Variants in DCPS observed in about 807,000 individuals in gnomAD.
DCPS encodes m7GpppX diphosphatase.
Under a neutral mutation model 34.7 loss-of-function variants are expected in DCPS, and 27 were observed. That is an observed-to-expected ratio of 0.78 (90% confidence interval 0.57 to 1.07). The LOEUF (loss-of-function observed/expected upper bound fraction) is 1.07, where lower values mean the gene tolerates loss of function less well. Among genes scored for constraint, DCPS ranks in the 50% least tolerant of loss-of-function variants. The pLI is 0.00. For synonymous variants in DCPS, 185 were observed against 185.7 expected, an observed-to-expected ratio of 1.00 and a Z score of 0.03; for missense variants, 464 against 436.9, an observed-to-expected ratio of 1.06 and a Z score of -0.55.
Position 126,306,779 on chromosome 11 carries a change from G to C in DCPS, c.376+35G>C, listed in dbSNP as rs183143430. 6,100 of 1,574,672 alleles carry C rather than the reference G, an allele frequency of 3.9e-3. 12 individuals carry two copies. The highest frequency in any genetic ancestry group is 4.7e-3 in the Non-Finnish European group (5,440 of 1,151,108). On this transcript the variant is annotated intron_variant, in intron 2 of 5. Transcript: ENST00000263579. ...AGGTGGCCAGGGTGGCTGTATGGAG[G>C]GAGAATGGGATGGTGGGAAATTAGG... is the stretch of plus-strand genomic sequence containing the variant.
Position 126,333,129 on chromosome 11 carries a change from C to T in DCPS, c.522+1579C>T, listed in dbSNP as rs1209989348. On this transcript the variant is annotated intron_variant, in intron 3 of 5. Transcript: ENST00000263579. This position sits in a 1 kb window ranked among gnomAD's most constrained non-coding sequence, Gnocchi z 5.7. ...AAGTGCTAGGATTACAGGTGTGAGC[C>T]ACTGTGCCTGGCCATGTATATTCCT... Among the ~76,000 whole-genome samples the T allele has an allele frequency of 5.9e-5, 9 of 152,212 alleles. No individual in the cohort carries two copies. The highest frequency in any genetic ancestry group is 5.9e-4 in the Admixed American group (9 of 15,282).
intron 1 of DCPS, 99 bp downstream of exon 1, chr11:126,304,380 C>A: frequency 1.5e-6 from 2 of 1,353,492 alleles, no homozygotes; most frequent in Non-Finnish European, 2.1e-6. Flanking sequence ...TGGAAAATAC[C>A]AATCATTATC....
rs1412841483 is a variant in DCPS, at chr11:126,315,522, T to C, written c.376+8778T>C. On this transcript the variant is annotated intron_variant, in intron 2 of 5. Transcript: ENST00000263579. The surrounding 1 kb of genome is among the most constrained non-coding windows in gnomAD (Gnocchi z 6.1). ...CTGCAGTGAACTATGATTATGCCGC[T>C]GCACTCCAACCTGGGTGGCAGAGCA... Among the ~76,000 whole-genome samples the C allele has an allele frequency of 2.0e-5, 3 of 151,896 alleles. No individual in the cohort carries two copies. The highest frequency in any genetic ancestry group is 4.4e-5 in the Non-Finnish European group (3 of 68,016).
rs1951543240 is a variant in DCPS at position 126,304,151 on chromosome 11, G to A, written c.71G>A (p.Ser24Asn). The A allele has an allele frequency of 1.9e-6, 3 of 1,614,238 alleles. No individual in the cohort carries two copies. Among genetic ancestry groups the A allele is most frequent in the Non-Finnish European group, 2.5e-6 (3 of 1,180,034 alleles). The change falls in exon 1 of 6, where the codon AGC becomes AAC. Residue 24 changes from serine (S) to asparagine (N), a missense_variant. By Grantham distance (46) the Ser-to-Asn change is conservative. Transcript: ENST00000263579. ...ELDVEEAHAA[S>N]TEEKEAGVGN... ...GACGTGGAGGAGGCCCACGCCGCCA[G>A]CACAGAGGAAAAGGAGGCAGGAGTT...
In DCPS at chr11:126,334,779, T is replaced by G. The variant is rs978791703; in HGVS notation, c.522+3229T>G. Among the ~76,000 whole-genome samples the G allele has an allele frequency of 6.6e-6, 1 of 152,208 alleles. No individual in the cohort carries two copies. The highest frequency in any genetic ancestry group is 1.5e-5 in the Non-Finnish European group (1 of 68,028). ...ATGTGAGGTACTTATAACTTCCCAG[T>G]AAAAACTGCAGTGGGATGTCTGGAT... On this transcript the variant is annotated intron_variant, in intron 3 of 5. Transcript: ENST00000263579. The surrounding 1 kb of genome is among the most constrained non-coding windows in gnomAD (Gnocchi z 5.5).
Position 126,320,894 on chromosome 11 carries a change from C to T in DCPS, c.377-10511C>T, listed in dbSNP as rs1951700299. On this transcript the variant is annotated intron_variant, in intron 2 of 5. Transcript: ENST00000263579. The surrounding 1 kb of genome is among the most constrained non-coding windows in gnomAD (Gnocchi z 4.7). ...CAGCAGTCCCTCAAGTCTGCTTTCC[C>T]ATTTCATATGGAACTTGCTCCTTCC... 6.6e-6 allele frequency among the ~76,000 whole-genome samples: 1 copy of T among 152,138 alleles called. No individual in the cohort carries two copies. Among genetic ancestry groups the T allele is most frequent in the African/African-American group, 2.4e-5 (1 of 41,426 alleles).
At position 126,347,433 on chromosome 11, in the gene DCPS, A is replaced by G. The variant is rs1268121785; in HGVS notation, c.*1820A>G. Among the ~76,000 whole-genome samples the G allele has an allele frequency of 6.6e-6, 1 of 152,188 alleles. No homozygotes were observed. The highest frequency in any genetic ancestry group is 2.4e-5 in the African/African-American group (1 of 41,546). On this transcript the variant is annotated 3_prime_UTR_variant, in exon 6 of 6. Coordinates refer to ENST00000263579, the MANE Select transcript of DCPS (RefSeq NM_014026.6). The surrounding 1 kb of genome is among the most constrained non-coding windows in gnomAD (Gnocchi z 4.2). ...GAGACGGGGTTTCACCATGTTGGCCAGGCTGGTCTCCAACTCCTGGCCTCA... is the reference window on the plus strand; with the variant it reads ...GAGACGGGGTTTCACCATGTTGGCCGGGCTGGTCTCCAACTCCTGGCCTCA...
chr11:126,345,746 C>A lies in DCPS; in HGVS notation c.*133C>A. On this transcript the variant is annotated 3_prime_UTR_variant, in exon 6 of 6. Coordinates refer to ENST00000263579, the MANE Select transcript of DCPS (RefSeq NM_014026.6). This position sits in a 1 kb window ranked among gnomAD's most constrained non-coding sequence, Gnocchi z 7.4. ...TCCTAGTATTGAATAAACTAGCGGG[C>A]TCACTCAGTGTGGACAGCGTGGCCT... 1 of 1,376,586 alleles carries A rather than the reference C, an allele frequency of 7.3e-7. No individual in the cohort carries two copies. The highest frequency in any genetic ancestry group is 9.8e-7 in the Non-Finnish European group (1 of 1,025,022). 85.3% of individuals were successfully genotyped at this position (1,376,586 alleles called of 1,614,324 possible).
At chr11:126,326,617 G>A (rs1013945493) in intron 2 of DCPS, among the ~76,000 whole-genome samples, 2 of 152,120 alleles carry the variant, frequency 1.3e-5, no homozygotes, top group East Asian at 1.9e-4. Flanking sequence ...ATAGTACAAA[G>A]AACTCCCTTA....
intron 2 of DCPS, among the ~76,000 whole-genome samples, chr11:126,318,966 G>A (rs1363654329): frequency 6.6e-6 from 1 of 152,178 alleles, no homozygotes; most frequent in African/African-American, 2.4e-5. Flanking sequence ...CCTCTAGATA[G>A]CCCTGCCTCC....
chr11:126,344,656 G>A lies in DCPS; in HGVS notation c.748-691G>A, dbSNP rs570128442. Reference sequence around the variant, plus strand: ...GCCCACAATGGAGATGAGAGTCTCCGCTTAATTCTATGCCTCACAGCCTCC... The same window carrying A: ...GCCCACAATGGAGATGAGAGTCTCCACTTAATTCTATGCCTCACAGCCTCC... On this transcript the variant is annotated intron_variant, in intron 5 of 5. Transcript: ENST00000263579. This position sits in a 1 kb window ranked among gnomAD's most constrained non-coding sequence, Gnocchi z 8.1. Among the ~76,000 whole-genome samples the A allele has an allele frequency of 4.0e-4, 61 of 152,274 alleles. No individual in the cohort carries two copies. The highest frequency in any genetic ancestry group is 1.4e-3 in the African/African-American group (57 of 41,556).
intron 2 of DCPS, among the ~76,000 whole-genome samples, chr11:126,330,721 T>A (rs12575193): frequency 1.5e-3 from 33 of 22,196 alleles, no homozygotes; most frequent in South Asian, 4.4e-3. Flanking sequence ...ATATATATAT[T>A]TTTTTTTTTT....
rs1384419327 is a variant in DCPS, at chr11:126,322,142, A to T, written c.377-9263A>T. ...ACCTAGCACAATGGATGAAGATAAA[A>T]CCACTTTGAGATCCAACCACACCAT... is the stretch of plus-strand genomic sequence containing the variant. On this transcript the variant is annotated intron_variant, in intron 2 of 5. Transcript: ENST00000263579. This position sits in a 1 kb window ranked among gnomAD's most constrained non-coding sequence, Gnocchi z 4.2. Among the ~76,000 whole-genome samples, 2 of 152,212 alleles carry T rather than the reference A, an allele frequency of 1.3e-5. No individual in the cohort carries two copies. Among genetic ancestry groups the T allele is most frequent in the African/African-American group, 4.8e-5 (2 of 41,462 alleles).
Position 126,346,522 on chromosome 11 carries a change from G to C in DCPS, c.*909G>C, listed in dbSNP as rs1244609841. On this transcript the variant is annotated 3_prime_UTR_variant, in exon 6 of 6. Coordinates refer to ENST00000263579, the MANE Select transcript of DCPS (RefSeq NM_014026.6). This position sits in a 1 kb window ranked among gnomAD's most constrained non-coding sequence, Gnocchi z 4.1. ...AGGCAGCCAACAGGGCTCAAGCGGCGCAGGGACATGGCTTGTATGGGCGGG... is the reference window on the plus strand; with the variant it reads ...AGGCAGCCAACAGGGCTCAAGCGGCCCAGGGACATGGCTTGTATGGGCGGG... 6.6e-6 allele frequency among the ~76,000 whole-genome samples: 1 copy of C among 152,222 alleles called. No homozygotes were observed. Among genetic ancestry groups the C allele is most frequent in the South Asian group, 2.1e-4 (1 of 4,834 alleles).
intron 2 of DCPS, among the ~76,000 whole-genome samples, chr11:126,318,342 A>C (rs1351883796): frequency 1.3e-5 from 2 of 152,196 alleles, no homozygotes; most frequent in Non-Finnish European, 1.5e-5. Flanking sequence ...TCTGTAATGT[A>C]GGACAGAGAA....
chr11:126,340,149 G>A (rs1223782869), intron 4 of DCPS, among the ~76,000 whole-genome samples: 1 of 152,202 alleles, frequency 6.6e-6, no homozygotes, highest in African/African-American at 2.4e-5. Context: ...TCAGCTGCCA[G>A]TGGAACCTCC....
intron 1 of DCPS, 106 bp from the exon 2 acceptor site, chr11:126,306,462 GAA>G: frequency 8.0e-7 from 1 of 1,247,626 alleles, no homozygotes; most frequent in South Asian, 1.8e-5. Flanking sequence ...TTCAGGGAAG[GAA>G]ATCCCAAGTA....
chr11:126,339,271 G>A (rs1951858899), intron 4 of DCPS, among the ~76,000 whole-genome samples: 1 of 152,202 alleles, frequency 6.6e-6, no homozygotes, highest in South Asian at 2.1e-4. Flanking sequence ...TTTCACCTGT[G>A]GAGTAATCCA....
rs1473162729 is a variant in DCPS at position 126,328,660 on chromosome 11, G to A, written c.377-2745G>A. Among the ~76,000 whole-genome samples the A allele has an allele frequency of 3.3e-5, 5 of 152,272 alleles. No homozygotes were observed. Among genetic ancestry groups the A allele is most frequent in the African/African-American group, 1.2e-4 (5 of 41,552 alleles). ...CCAGGAGCCCCAGGCTGGGAGCCCG[G>A]CTGGGTGACCCTGCCCGCAGAACCC... On this transcript the variant is annotated intron_variant, in intron 2 of 5. Coordinates refer to ENST00000263579, the MANE Select transcript of DCPS (RefSeq NM_014026.6). This position sits in a 1 kb window ranked among gnomAD's most constrained non-coding sequence, Gnocchi z 6.6.
Sources: allele counts gnomAD v4.1 joint callset (sites outside exome capture counted in the v4.1 genomes callset), GRCh38; gene constraint gnomAD v4.1.1; non-coding constraint Gnocchi (gnomAD v3.1); transcripts MANE v1.5; gene names NCBI Gene and HGNC (gene_info 2026-07-23, HGNC 2026-07-21).